The following ZNF385D variants were observed in gnomAD, a reference collection of about 807,000 sequenced individuals.
ZNF385D encodes the protein zinc finger protein 659.
A neutral mutation model predicts 35.8 loss-of-function variants in ZNF385D; 15 were observed. That is an observed-to-expected ratio of 0.42 (90% confidence interval 0.28 to 0.64). ZNF385D has a LOEUF of 0.64. Ranked by LOEUF, ZNF385D falls within the 30% of genes least tolerant of loss-of-function variation. The probability of loss-of-function intolerance (pLI) is 0.23; values close to 1 mark genes in which losing one functional copy is unlikely to be tolerated. For missense variants in ZNF385D, 474 were observed against 494.6 expected (o/e 0.96, Z 0.39); for synonymous variants, 212 against 186.8 (o/e 1.13, Z -1.10).
At chr3:21,820,301 T>C (rs897421526) in intron 3 of ZNF385D, among the ~76,000 whole-genome samples, 23 of 151,102 alleles carry the variant, frequency 1.5e-4, no homozygotes, top group African/African-American at 5.1e-4. Flanking sequence ...TAAAAATAAA[T>C]GGAGATAAAT....
At position 21,629,784 on chromosome 3, in the gene ZNF385D, A is replaced by C. The variant is rs1436006180; in HGVS notation, c.165+35102T>G. Among the ~76,000 whole-genome samples, 3 of 152,260 alleles carry C rather than the reference A, an allele frequency of 2.0e-5. No individual in the cohort carries two copies. The East Asian group carries it at 5.8e-4, about 29-fold the overall frequency. On this transcript the variant is annotated intron_variant, in intron 2 of 7. Transcript: ENST00000281523. Reference sequence around the variant, plus strand: ...CATCACAAACTCATCTGGGTTTTTAATATCTAGTCATGGATTAAGCAGAAA... The same window carrying C: ...CATCACAAACTCATCTGGGTTTTTACTATCTAGTCATGGATTAAGCAGAAA...
At chr3:21,813,530 A>G (rs1575698839) in intron 3 of ZNF385D, among the ~76,000 whole-genome samples, 1 of 152,202 alleles carries the variant, frequency 6.6e-6, no homozygotes, top group Non-Finnish European at 1.5e-5. Flanking sequence ...GCTGAAAACC[A>G]TGGCACGAGA....
chr3:21,593,386 C>T (rs1235264569), intron 2 of ZNF385D, among the ~76,000 whole-genome samples: 1 of 152,126 alleles, frequency 6.6e-6, no homozygotes, highest in African/African-American at 2.4e-5. Flanking sequence ...TGAACCAGAT[C>T]CAACTCAGGG....
intron 2 of ZNF385D, among the ~76,000 whole-genome samples, chr3:22,337,333 A>C (rs932799297): frequency 1.3e-5 from 2 of 152,198 alleles, no homozygotes; most frequent in Non-Finnish European, 2.9e-5. Flanking sequence ...CAGGAGTTCA[A>C]GACCAGCCTG....
At chr3:21,810,419 T>G (rs901486300) in intron 3 of ZNF385D, among the ~76,000 whole-genome samples, 1 of 152,086 alleles carries the variant, frequency 6.6e-6, no homozygotes, top group Non-Finnish European at 1.5e-5. Context: ...ATAAACCTAA[T>G]GTAAATGACT....
intron 3 of ZNF385D, among the ~76,000 whole-genome samples, chr3:21,937,131 G>C (rs1217077842): frequency 6.6e-6 from 1 of 151,786 alleles, no homozygotes; most frequent in Non-Finnish European, 1.5e-5. Flanking sequence ...TTTTGAGATG[G>C]AAAAAAATGT....
chr3:21,671,399 C>A (rs1575434072), intron 1 of ZNF385D, among the ~76,000 whole-genome samples: 1 of 152,212 alleles, frequency 6.6e-6, no homozygotes, highest in East Asian at 1.9e-4. Context: ...AATTGGCCAG[C>A]CAGGGTGGGA....
chr3:21,456,592 G>A (rs897578602), intron 4 of ZNF385D, among the ~76,000 whole-genome samples: 3 of 152,162 alleles, frequency 2.0e-5, no homozygotes, highest in East Asian at 3.9e-4. Context: ...GTTGTGGGGT[G>A]GGGGGAGTAA....
At chr3:21,766,260 G>A (rs1012246661) in intron 3 of ZNF385D, among the ~76,000 whole-genome samples, 1 of 152,086 alleles carries the variant, frequency 6.6e-6, no homozygotes, top group East Asian at 1.9e-4. Context: ...AGAAAGATGA[G>A]AGTAATGTAT....
At position 22,164,526 on chromosome 3, in the gene ZNF385D, C is replaced by G. The variant is rs1416383298; in HGVS notation, c.325+4291G>C. On this transcript the variant is annotated intron_variant, in intron 3 of 5. Transcript: ENST00000494108. Reference sequence around the variant, plus strand: ...ACAGGCATGAGCCACCATACCCGGCCAAAAGGAACACTTTTTAAAGGGAAT... The same window carrying G: ...ACAGGCATGAGCCACCATACCCGGCGAAAAGGAACACTTTTTAAAGGGAAT... Among the ~76,000 whole-genome samples, 4 of 150,938 alleles carry G rather than the reference C, an allele frequency of 2.7e-5. No homozygotes were observed. The East Asian group carries it at 7.8e-4, about 29-fold the overall frequency.
intron 3 of ZNF385D, among the ~76,000 whole-genome samples, chr3:22,137,208 C>A (rs886247619): frequency 5.3e-5 from 8 of 152,098 alleles, no homozygotes; most frequent in African/African-American, 1.9e-4. Context: ...AAGTCCAGGA[C>A]CAGACGGATT....
intron 1 of ZNF385D, among the ~76,000 whole-genome samples, chr3:21,712,336 T>C (rs1206541078): frequency 1.3e-5 from 2 of 152,160 alleles, no homozygotes; most frequent in Admixed American, 1.3e-4. Flanking sequence ...CCAGGTGCCT[T>C]GCATTCCTTA....
At chr3:22,107,506 A>T (rs1013470836) in intron 3 of ZNF385D, among the ~76,000 whole-genome samples, 1 of 152,102 alleles carries the variant, frequency 6.6e-6, no homozygotes, top group Non-Finnish European at 1.5e-5. Flanking sequence ...TCTGATATAA[A>T]ATAGGGTAAT....
At chr3:21,961,957 A>C (rs1485852675) in intron 3 of ZNF385D, among the ~76,000 whole-genome samples, 1 of 152,178 alleles carries the variant, frequency 6.6e-6, no homozygotes, top group Non-Finnish European at 1.5e-5. Context: ...AAGAAGTGAC[A>C]TGGGTTTTCA....
chr3:22,127,641 T>A (rs948285316), intron 3 of ZNF385D, among the ~76,000 whole-genome samples: 1 of 151,926 alleles, frequency 6.6e-6, no homozygotes, highest in Non-Finnish European at 1.5e-5. Context: ...TGCCTGGCCC[T>A]AAATGTTTTC....
At chr3:21,734,174 T>C (rs1204251607) in intron 1 of ZNF385D, among the ~76,000 whole-genome samples, 1 of 152,066 alleles carries the variant, frequency 6.6e-6, no homozygotes, top group Admixed American at 6.6e-5. Flanking sequence ...GAGCCAACAA[T>C]CTTGTGATAT....
intron 3 of ZNF385D, among the ~76,000 whole-genome samples, chr3:21,560,966 A>C (rs2062922802): frequency 6.6e-6 from 1 of 152,046 alleles, no homozygotes; most frequent in Non-Finnish European, 1.5e-5. Flanking sequence ...CCTCCTACTC[A>C]AGCTTCAGCA....
chr3:22,305,703 AC>A (rs1257588403), intron 2 of ZNF385D, among the ~76,000 whole-genome samples: 1 of 152,186 alleles, frequency 6.6e-6, no homozygotes, highest in African/African-American at 2.4e-5. Flanking sequence ...CACGGCCACA[AC>A]TAACTTCAAG....
chr3:22,172,209 A>G (rs569925473), intron 2 of ZNF385D, among the ~76,000 whole-genome samples: 5 of 152,326 alleles, frequency 3.3e-5, no homozygotes, highest in African/African-American at 4.8e-5. Context: ...AGGTATAGAC[A>G]GCACTATTTA....
Sources: allele counts gnomAD v4.1 joint callset (sites outside exome capture counted in the v4.1 genomes callset), GRCh38; gene constraint gnomAD v4.1.1; transcripts MANE v1.5; gene names NCBI Gene and HGNC (gene_info 2026-07-23, HGNC 2026-07-21).